MEGF10: variants seen among roughly 807,000 people sequenced by gnomAD.
MEGF10 encodes the protein multiple epidermal growth factor-like domains protein 10.
In MEGF10, 86 loss-of-function variants were observed where a neutral mutation model predicts 147.5. The ratio of observed to expected loss-of-function variants is 0.58; its 90% CI spans 0.49 to 0.70. The LOEUF is 0.70. Among genes scored for constraint, MEGF10 ranks in the 30% least tolerant of loss-of-function variants. The pLI, the probability that MEGF10 is intolerant of heterozygous loss-of-function variation, is 0.00. For missense variants in MEGF10, 1,329 were observed against 1,487.3 expected, an observed-to-expected ratio of 0.89 and a Z score of 1.75; for synonymous variants, 478 against 525.5, an observed-to-expected ratio of 0.91 and a Z score of 1.24.
chr5:127,384,652 A>C (rs1322952180), intron 5 of MEGF10, among the ~76,000 whole-genome samples: 1 of 152,236 alleles, frequency 6.6e-6, no homozygotes, highest in Non-Finnish European at 1.5e-5. Context: ...TTAAAAGAAG[A>C]ATAAAGGTTC....
chr5:127,329,913 A>AC (rs1209954518), intron 1 of MEGF10, among the ~76,000 whole-genome samples: 1 of 152,082 alleles, frequency 6.6e-6, no homozygotes, highest in Non-Finnish European at 1.5e-5. Context: ...GGTGTTACAC[A>AC]CCCGGGCCTG....
At chr5:127,375,146 G>C (rs1344180206) in intron 5 of MEGF10, among the ~76,000 whole-genome samples, 3 of 152,162 alleles carry the variant, frequency 2.0e-5, no homozygotes, top group Admixed American at 6.6e-5. Context: ...CCAACCAGAA[G>C]TTTAACTCCT....
intron 1 of MEGF10, among the ~76,000 whole-genome samples, chr5:127,309,257 T>C (rs545973375): frequency 6.6e-6 from 1 of 152,368 alleles, no homozygotes; most frequent in African/African-American, 2.4e-5. Flanking sequence ...ACTAGCTTGC[T>C]TTTAGACTTT....
At chr5:127,385,803 A>C (rs1265711803) in intron 5 of MEGF10, among the ~76,000 whole-genome samples, 3 of 152,180 alleles carry the variant, frequency 2.0e-5, no homozygotes, top group Admixed American at 6.5e-5. Context: ...ACTTTAAAAC[A>C]ACAACAATAA....
intron 1 of MEGF10, among the ~76,000 whole-genome samples, chr5:127,320,711 C>T (rs1760755075): frequency 6.6e-6 from 1 of 152,210 alleles, no homozygotes; most frequent in South Asian, 2.1e-4. Context: ...TCAGCAGTTT[C>T]CTCGCATTTT....
intron 1 of MEGF10, among the ~76,000 whole-genome samples, chr5:127,322,666 A>G (rs995984560): frequency 6.6e-6 from 1 of 152,226 alleles, no homozygotes; most frequent in Admixed American, 6.5e-5. Flanking sequence ...ATGTTTGTTC[A>G]TTGGCAAAGC....
At chr5:127,252,575 C>T in the MEGF10 span, among the ~76,000 whole-genome samples, 3 of 151,754 alleles carry the variant, frequency 2.0e-5, no homozygotes, top group East Asian at 1.9e-4. Context: ...TATACTTGCA[C>T]GTTGTGTTTA....
chr5:127,415,406 G>T (rs1483665339), intron 9 of MEGF10, among the ~76,000 whole-genome samples: 1 of 152,134 alleles, frequency 6.6e-6, no homozygotes, highest in Non-Finnish European at 1.5e-5. Context: ...TTAAGAAGGA[G>T]AATGATATGA....
chr5:127,424,064 G>A (rs1250724717), intron 13 of MEGF10, among the ~76,000 whole-genome samples: 1 of 152,022 alleles, frequency 6.6e-6, no homozygotes, highest in Non-Finnish European at 1.5e-5. Flanking sequence ...TATGAGGTAG[G>A]GGTCCAACTT....
the MEGF10 span, among the ~76,000 whole-genome samples, chr5:127,244,278 C>T: frequency 1.4e-5 from 2 of 143,142 alleles, no homozygotes; most frequent in African/African-American, 5.2e-5. Flanking sequence ...AGTCAAGAGG[C>T]AGGAAAGATG....
the MEGF10 span, among the ~76,000 whole-genome samples, chr5:127,261,277 C>A: frequency 6.6e-6 from 1 of 152,144 alleles, no homozygotes; most frequent in Non-Finnish European, 1.5e-5. Context: ...CACTGTCTGG[C>A]TCTGGGCAAT....
chr5:127,320,617 T>C (rs1252606092), intron 1 of MEGF10, among the ~76,000 whole-genome samples: 1 of 140,934 alleles, frequency 7.1e-6, no homozygotes, highest in Non-Finnish European at 1.6e-5. Flanking sequence ...AAGTGGGAGG[T>C]GAGGCTGCCC....
the MEGF10 span, among the ~76,000 whole-genome samples, chr5:127,280,028 A>C: frequency 1.1e-4 from 16 of 152,334 alleles, no homozygotes; most frequent in Non-Finnish European, 1.5e-5. Context: ...ATATGTGGGC[A>C]AAAGAGTTTA....
At chr5:127,446,873 T>A (rs1253361198) in intron 20 of MEGF10, among the ~76,000 whole-genome samples, 1 of 152,204 alleles carries the variant, frequency 6.6e-6, no homozygotes, top group Non-Finnish European at 1.5e-5. Context: ...AGCTGAGCTC[T>A]GAAAGACCCA....
the MEGF10 span, among the ~76,000 whole-genome samples, chr5:127,280,761 A>G: frequency 6.6e-6 from 1 of 152,270 alleles, no homozygotes; most frequent in African/African-American, 2.4e-5. Context: ...TATTTTCCCA[A>G]CTAGAGGCAT....
At chr5:127,268,798 G>C in the MEGF10 span, among the ~76,000 whole-genome samples, 1 of 152,214 alleles carries the variant, frequency 6.6e-6, no homozygotes, top group Non-Finnish European at 1.5e-5. Context: ...TCCTCAGGTG[G>C]GTCCCTGACC....
At chr5:127,391,517 T>C (rs4563674) in intron 5 of MEGF10, among the ~76,000 whole-genome samples, 26,035 of 148,522 alleles carry the variant, frequency 0.18, 2,425 homozygotes, top group African/African-American at 0.25. Flanking sequence ...CTGCAGAGAG[T>C]CAAGATCGCA....
intron 5 of MEGF10, among the ~76,000 whole-genome samples, chr5:127,391,116 A>ATGCGCGCG (rs1763667091): frequency 1.5e-5 from 1 of 64,766 alleles, no homozygotes; most frequent in Non-Finnish European, 4.5e-5. Flanking sequence ...ACACACACAC[A>ATGCGCGCG]CACACACACA....
Position 127,429,784 on chromosome 5 carries a change from T to C in MEGF10, c.1694-3579T>C, listed in dbSNP as rs951102849. ...GCAGGTAAAAGAGCACCTGACAGGT[T>C]TTCTTTCTTCCCAGGCTCAACATCT... On this transcript the variant is annotated intron_variant, in intron 13 of 24. Coordinates refer to ENST00000503335, the MANE Select transcript of MEGF10 (RefSeq NM_001256545.2). 2.4e-4 allele frequency among the ~76,000 whole-genome samples: 36 copies of C among 152,160 alleles called. 1 individual carries two copies. The highest frequency in any genetic ancestry group is 7.7e-4 in the African/African-American group (32 of 41,428).
Sources: allele counts gnomAD v4.1 joint callset (sites outside exome capture counted in the v4.1 genomes callset), GRCh38; gene constraint gnomAD v4.1.1; transcripts MANE v1.5; gene names NCBI Gene and HGNC (gene_info 2026-07-23, HGNC 2026-07-21).